The following CCNY variants were observed in gnomAD, a reference collection of about 807,000 sequenced individuals.
CCNY encodes the protein cyclin-Y.
Under a neutral mutation model 42.8 loss-of-function variants are expected in CCNY, and 19 were observed. That is an observed-to-expected ratio of 0.44 (90% CI 0.31 to 0.65). CCNY has a LOEUF of 0.65. CCNY is among the 30% of genes least tolerant of loss of function. The probability of loss-of-function intolerance (pLI) is 0.07; values close to 1 mark genes in which losing one functional copy is unlikely to be tolerated. For missense variants in CCNY, 370 were observed against 437.3 expected (o/e 0.85, Z 1.37); for synonymous variants, 165 against 162.7 (o/e 1.01, Z -0.11).
intron 2 of CCNY, among the ~76,000 whole-genome samples, chr10:35,485,549 C>A (rs1839766903): frequency 1.3e-5 from 2 of 152,138 alleles, no homozygotes; most frequent in South Asian, 4.2e-4. Flanking sequence ...CATGGTGAAA[C>A]CCCGTCTCTA....
At chr10:35,496,155 G>T (rs1360340093) in intron 2 of CCNY, among the ~76,000 whole-genome samples, 1 of 152,236 alleles carries the variant, frequency 6.6e-6, no homozygotes, top group Non-Finnish European at 1.5e-5. Flanking sequence ...GTTGAAGCCT[G>T]CCTCTTGTGT....
Position 35,543,946 on chromosome 10 carries a change from A to C in CCNY, c.580-9073A>C, listed in dbSNP as rs187668584. The stretch of plus-strand genomic sequence containing the variant: ...TTAGAAATTAAAAACTAACTTAAAT[A>C]TAAAATAGCTTGTAGAATAAGGATA... On this transcript the variant is annotated intron_variant, in intron 7 of 9. Coordinates refer to ENST00000374704, the MANE Select transcript of CCNY (RefSeq NM_145012.6). 7.2e-5 allele frequency among the ~76,000 whole-genome samples: 11 copies of C among 152,342 alleles called. No individual in the cohort carries two copies. The East Asian group carries it at 2.1e-3, about 29-fold the overall frequency.
At chr10:35,479,880 A>C (rs569311027) in intron 1 of CCNY, among the ~76,000 whole-genome samples, 2 of 152,016 alleles carry the variant, frequency 1.3e-5, no homozygotes, top group Non-Finnish European at 2.9e-5. Context: ...CAATGAGGGG[A>C]TCTTTTTCCT....
chr10:35,337,190 A>G lies in CCNY; in HGVS notation c.137A>G (p.Asp46Gly). ...GGCTGCAACCTGCAGCACATCAGCG[A>G]CCGGGAGAACATAGACGGTGAGTGC... ...DTGCNLQHIS[D>G]RENIDDLNME... The change falls in exon 1 of 10, where the codon GAC (aspartate) becomes GGC (glycine). Residue 46 changes from aspartate to glycine, a missense_variant. This residue lies in a region of CCNY where 136 missense variants were observed against 124.2 expected (regional missense o/e 1.09). Transcript: ENST00000374704. 1 of 1,561,798 alleles carries G rather than the reference A, an allele frequency of 6.4e-7. No homozygotes were observed. Among genetic ancestry groups the G allele is most frequent in the East Asian group, 2.5e-5 (1 of 40,194 alleles).
chr10:35,515,349 G>A (rs1478390183), intron 3 of CCNY, among the ~76,000 whole-genome samples: 1 of 152,186 alleles, frequency 6.6e-6, no homozygotes, highest in Non-Finnish European at 1.5e-5. Context: ...AGTATCATTT[G>A]TTATCTAGTT....
In CCNY at chr10:35,570,471, A is replaced by T. The variant is rs989005012; in HGVS notation, c.*1301A>T. On this transcript the variant is annotated 3_prime_UTR_variant, in exon 10 of 10. Coordinates refer to ENST00000374704, the MANE Select transcript of CCNY (RefSeq NM_145012.6). ...CTGATTTCCTTATGGACTCAATAAG[A>T]ATCTTTTATATCAAGTAAAATGAAA... 6.6e-6 allele frequency: 1 copy of T among 152,342 alleles called. No individual in the cohort carries two copies. The highest frequency in any genetic ancestry group is 1.5e-5 in the Non-Finnish European group (1 of 68,036). The allele number at this position is 152,342 out of a possible 1,614,324, so 9.4% of individuals were successfully genotyped here.
intron 5 of CCNY, among the ~76,000 whole-genome samples, chr10:35,527,764 C>T (rs991422230): frequency 9.2e-5 from 14 of 152,224 alleles, no homozygotes; most frequent in African/African-American, 3.4e-4. Context: ...CAGATTGCCA[C>T]CTGCATGTCT....
At chr10:35,247,248 C>G (rs1360683916) in intron 1 of CCNY, 1 of 152,812 alleles carries the variant, frequency 6.5e-6, no homozygotes, top group Non-Finnish European at 1.5e-5. Flanking sequence ...GAGACTGCAG[C>G]CAGGAGACTT....
rs114830304 is a variant in CCNY, at chr10:35,423,337, T to C, written c.155-60067T>C. ...AAAACATGCAAAAATCAGCTGGGCA[T>C]GGTGACGCGCACCTGTATTCTCAAC... On this transcript the variant is annotated intron_variant, in intron 1 of 9. Coordinates refer to ENST00000374704, the MANE Select transcript of CCNY (RefSeq NM_145012.6). Among the ~76,000 whole-genome samples, 455 of 152,174 alleles carry C rather than the reference T, an allele frequency of 3.0e-3. 1 individual carries two copies. Among genetic ancestry groups the C allele is most frequent in the African/African-American group, 0.01 (431 of 41,510 alleles).
chr10:35,346,894 T>C (rs1836317285), intron 1 of CCNY, among the ~76,000 whole-genome samples: 1 of 152,254 alleles, frequency 6.6e-6, no homozygotes, highest in Non-Finnish European at 1.5e-5. Flanking sequence ...TCCAAAGTGC[T>C]GGGATTATAG....
intron 3 of CCNY, among the ~76,000 whole-genome samples, chr10:35,257,994 C>T (rs1589002502): frequency 6.6e-6 from 1 of 152,238 alleles, no homozygotes; most frequent in East Asian, 1.9e-4. Context: ...TTACTGACTC[C>T]TCCTTCTGCC....
At chr10:35,499,331 C>T (rs891822933) in intron 2 of CCNY, among the ~76,000 whole-genome samples, 1 of 152,076 alleles carries the variant, frequency 6.6e-6, no homozygotes, top group Non-Finnish European at 1.5e-5. Flanking sequence ...CAGAGAAACT[C>T]CTGTTTTTAC....
chr10:35,361,966 T>C (rs191332236), intron 1 of CCNY, among the ~76,000 whole-genome samples: 18 of 152,330 alleles, frequency 1.2e-4, no homozygotes, highest in Non-Finnish European at 1.2e-4. Flanking sequence ...CCTGACACTT[T>C]TGCTTTCTGA....
chr10:35,549,453 C>T lies in CCNY; in HGVS notation c.580-3566C>T, dbSNP rs907719581. Among the ~76,000 whole-genome samples the T allele has an allele frequency of 1.0e-4, 15 of 149,888 alleles. No homozygotes were observed. The East Asian group carries it at 2.4e-3, about 24-fold the overall frequency. ...TCGTGACCCTGCGCTGCTCATGACA[C>T]ATGACCCTACAGTGCTCGTGACCCT... On this transcript the variant is annotated intron_variant, in intron 7 of 9. Coordinates refer to ENST00000374704, the MANE Select transcript of CCNY (RefSeq NM_145012.6).
At chr10:35,302,137 G>C (rs1420756361) in intron 3 of CCNY, among the ~76,000 whole-genome samples, 1 of 149,096 alleles carries the variant, frequency 6.7e-6, no homozygotes, top group Non-Finnish European at 1.5e-5. Context: ...TAATTTTTGT[G>C]TTTTTAGTAG....
intron 1 of CCNY, among the ~76,000 whole-genome samples, chr10:35,360,644 A>T (rs1444736776): frequency 6.6e-6 from 1 of 152,104 alleles, no homozygotes; most frequent in African/African-American, 2.4e-5. Flanking sequence ...AAATTTAAAA[A>T]AGTATATAGA....
chr10:35,285,680 T>C (rs1361685819), intron 3 of CCNY, among the ~76,000 whole-genome samples: 1 of 152,232 alleles, frequency 6.6e-6, no homozygotes, highest in East Asian at 1.9e-4. Context: ...GGTGTTGAAC[T>C]CCTGGGCTCC....
intron 3 of CCNY, among the ~76,000 whole-genome samples, chr10:35,511,082 C>G (rs779115930): frequency 6.6e-6 from 1 of 152,172 alleles, no homozygotes; most frequent in African/African-American, 2.4e-5. Flanking sequence ...CAGGCCCCTG[C>G]GGCCAGCTCA....
intron 3 of CCNY, among the ~76,000 whole-genome samples, chr10:35,315,987 T>G: frequency 6.6e-6 from 1 of 152,230 alleles, no homozygotes; most frequent in East Asian, 1.9e-4. Context: ...TTGACTACTC[T>G]ATCCCATATA....
Sources: allele counts gnomAD v4.1 joint callset (sites outside exome capture counted in the v4.1 genomes callset), GRCh38; gene constraint gnomAD v4.1.1; regional missense constraint gnomAD v4.1.1; transcripts MANE v1.5; gene names NCBI Gene and HGNC (gene_info 2026-07-23, HGNC 2026-07-21).